The following PLCXD2 variants were observed in gnomAD, a reference collection of about 807,000 sequenced individuals.
PLCXD2 encodes the protein PI-PLC X domain-containing protein 2.
In PLCXD2, 21 loss-of-function variants were observed where a neutral mutation model predicts 28.6. The ratio of observed to expected loss-of-function variants is 0.73; its 90% CI spans 0.52 to 1.06. The LOEUF is 1.06. PLCXD2 is among the 50% of genes least tolerant of loss of function. PLCXD2 has a pLI of 0.00. For synonymous variants in PLCXD2, 140 were observed against 150.1 expected (o/e 0.93, Z 0.49); for missense variants, 369 against 376.7 (o/e 0.98, Z 0.17).
Position 111,674,992 on chromosome 3 carries a change from G to T in PLCXD2, c.-254G>T. 2.2e-6 allele frequency: 1 copy of T among 463,736 alleles called. No individual in the cohort carries two copies. Among genetic ancestry groups the T allele is most frequent in the Non-Finnish European group, 3.8e-6 (1 of 262,396 alleles). 28.7% of individuals were successfully genotyped at this position (463,736 alleles called of 1,614,324 possible). On this transcript the variant is annotated 5_prime_UTR_variant, in exon 1 of 5. Coordinates refer to ENST00000477665, the MANE Select transcript of PLCXD2 (RefSeq NM_001185106.1). ...GGCCTACCTTCCCCCATCTCCAGAG[G>T]GGAACATAAGAAGTTTAACGGAGCT...
At chr3:111,680,085 T>G (rs1425595246) in intron 1 of PLCXD2, among the ~76,000 whole-genome samples, 1 of 152,198 alleles carries the variant, frequency 6.6e-6, no homozygotes, top group African/African-American at 2.4e-5. Flanking sequence ...TTTTCTACCT[T>G]TCTGGAATCC....
At chr3:111,716,720 A>G (rs1287314584) in intron 3 of PLCXD2, among the ~76,000 whole-genome samples, 1 of 152,142 alleles carries the variant, frequency 6.6e-6, no homozygotes, top group African/African-American at 2.4e-5. Context: ...GCCCCGTCCC[A>G]TCCCCGCCAT....
Position 111,708,340 on chromosome 3 carries a change from G to A in PLCXD2, c.578G>A (p.Ser193Asn), listed in dbSNP as rs1312823702. ...GGAAACAAGCTGTGCCCAGCCTGCA[G>A]TGTGGAAAGTTTGACGCTGCGAACT... The change falls in exon 2 of 5, where the codon AGT (serine) becomes AAT (asparagine). Residue 193 changes from serine to asparagine, a missense_variant. Physicochemically the swap from Ser to Asn is conservative, Grantham distance 46. Transcript: ENST00000477665. 1 of 1,614,180 alleles carries A rather than the reference G, an allele frequency of 6.2e-7. No homozygotes were observed. Among genetic ancestry groups the A allele is most frequent in the Non-Finnish European group, 8.5e-7 (1 of 1,180,038 alleles).
intron 3 of PLCXD2, among the ~76,000 whole-genome samples, chr3:111,714,876 A>G (rs1448275137): frequency 1.3e-5 from 2 of 152,364 alleles, no homozygotes; most frequent in East Asian, 3.9e-4. Flanking sequence ...ATACATTTGG[A>G]TAACAGGGAA....
Position 111,708,176 on chromosome 3 carries a change from G to A in PLCXD2, c.414G>A (p.Lys138=). The A allele has an allele frequency of 6.2e-7, 1 of 1,614,212 alleles. No homozygotes were observed. The stretch of plus-strand genomic sequence containing the variant: ...TCATCCATGGGCTTTTTGGCATCAA[G>A]GTCTGGGATGGGCTGATGGAAATTG... Residue 138 remains lysine, a synonymous_variant, in exon 2 of 5, where the codon AAG becomes AAA. Coordinates refer to ENST00000477665, the MANE Select transcript of PLCXD2 (RefSeq NM_001185106.1).
At chr3:111,682,370 A>G (rs1387451687) in intron 1 of PLCXD2, among the ~76,000 whole-genome samples, 2 of 152,186 alleles carry the variant, frequency 1.3e-5, no homozygotes, top group Non-Finnish European at 2.9e-5. Context: ...TTCATTGTCT[A>G]CTAAGCAGCT....
chr3:111,722,117 C>T (rs1457896270), intron 3 of PLCXD2: 4 of 152,042 alleles, frequency 2.6e-5, no homozygotes, highest in African/African-American at 9.6e-5. Flanking sequence ...GACTTTGAAA[C>T]TCGAGAGGGA....
At chr3:111,713,026 C>G (rs1314062738) in intron 2 of PLCXD2, among the ~76,000 whole-genome samples, 2 of 152,214 alleles carry the variant, frequency 1.3e-5, no homozygotes, top group African/African-American at 4.8e-5. Context: ...AAGTGGCACA[C>G]TCCCCACTCT....
chr3:111,712,045 G>T lies in PLCXD2; in HGVS notation c.625-1842G>T, dbSNP rs147415351. On this transcript the variant is annotated intron_variant, in intron 2 of 4. Transcript: ENST00000477665. ...AGAAAAACACAGCAGACAGAGGTTG[G>T]GGGGAGAGGGAGGCAGATGCAAAAC... Among the ~76,000 whole-genome samples the T allele has an allele frequency of 9.1e-4, 138 of 152,158 alleles. 2 individuals carry two copies. The highest frequency in any genetic ancestry group is 6.8e-3 in the Middle Eastern group (2 of 294).
chr3:111,724,964 G>C (rs1350417428), intron 3 of PLCXD2: 3 of 152,210 alleles, frequency 2.0e-5, no homozygotes, highest in Admixed American at 1.3e-4. Flanking sequence ...CTAATGATTA[G>C]ATTAAATGCC....
intron 1 of PLCXD2, among the ~76,000 whole-genome samples, chr3:111,690,267 A>T (rs539243430): frequency 6.6e-6 from 1 of 152,326 alleles, no homozygotes. Context: ...TTTTCTTTTC[A>T]TCTGAGGCCA....
chr3:111,718,620 A>T (rs1487397716), intron 3 of PLCXD2, among the ~76,000 whole-genome samples: 1 of 152,118 alleles, frequency 6.6e-6, no homozygotes, highest in Non-Finnish European at 1.5e-5. Flanking sequence ...GATTATAGTT[A>T]TGGTAAGAGA....
chr3:111,697,680 C>A (rs1429748713), intron 1 of PLCXD2, among the ~76,000 whole-genome samples: 1 of 151,986 alleles, frequency 6.6e-6, no homozygotes, highest in African/African-American at 2.4e-5. Flanking sequence ...ATATAGGCTT[C>A]TACTCTCAAA....
intron 1 of PLCXD2, among the ~76,000 whole-genome samples, chr3:111,698,767 G>A (rs1443300494): frequency 6.6e-6 from 1 of 152,142 alleles, no homozygotes; most frequent in African/African-American, 2.4e-5. Flanking sequence ...GCCCAGACAA[G>A]CCAGGAACCT....
intron 1 of PLCXD2, among the ~76,000 whole-genome samples, chr3:111,687,912 A>T (rs1940819095): frequency 1.3e-5 from 2 of 151,926 alleles, no homozygotes; most frequent in African/African-American, 2.4e-5. Flanking sequence ...AGCTCAAGCG[A>T]TCCTCTCGCA....
At chr3:111,688,887 AAT>A (rs1188733147) in intron 1 of PLCXD2, among the ~76,000 whole-genome samples, 4 of 151,990 alleles carry the variant, frequency 2.6e-5, no homozygotes, top group Admixed American at 6.6e-5. Context: ...TTATGAAATA[AAT>A]ATGTTATATA....
At chr3:111,687,759 T>A (rs1264038085) in intron 1 of PLCXD2, among the ~76,000 whole-genome samples, 2 of 151,716 alleles carry the variant, frequency 1.3e-5, no homozygotes, top group Non-Finnish European at 2.9e-5. Context: ...TGACCATGGC[T>A]CACTGAAGCC....
chr3:111,718,179 T>A (rs1053075930), intron 3 of PLCXD2, among the ~76,000 whole-genome samples: 1 of 152,034 alleles, frequency 6.6e-6, no homozygotes, highest in Non-Finnish European at 1.5e-5. Context: ...AATATAAAAA[T>A]ATAGGCCAGG....
chr3:111,675,240 A>G lies in PLCXD2; in HGVS notation c.-6A>G, dbSNP rs778981218. The G allele has an allele frequency of 6.2e-7, 1 of 1,613,292 alleles. No homozygotes were observed. The highest frequency in any genetic ancestry group is 8.5e-7 in the Non-Finnish European group (1 of 1,179,442). On this transcript the variant is annotated 5_prime_UTR_variant, in exon 1 of 5. Transcript: ENST00000477665. Reference sequence around the variant, plus strand: ...GCTGAGACTGGCCAGTTTGTTAACAACAGGGATGCTAGCAGTTAGGAAGGC... The same window carrying G: ...GCTGAGACTGGCCAGTTTGTTAACAGCAGGGATGCTAGCAGTTAGGAAGGC...
Sources: gnomAD v4.1 joint callset for allele counts (sites outside exome capture counted in the v4.1 genomes callset) on GRCh38, gnomAD v4.1.1 for gene constraint, MANE v1.5 for transcripts, NCBI Gene and HGNC (gene_info 2026-07-23, HGNC 2026-07-21) for gene names.